ABCB11: variants seen among roughly 807,000 people sequenced by gnomAD.
ABCB11 encodes the protein ATP binding cassette subfamily B member 11.
ABCB11 carries 95 observed loss-of-function variants against 148.0 expected under a neutral mutation model. The observed-to-expected ratio is 0.64, with a 90% CI of 0.54 to 0.76. The LOEUF (loss-of-function observed/expected upper bound fraction) is 0.76. Ranked by LOEUF, ABCB11 falls within the 30% of genes least tolerant of loss-of-function variation. ABCB11 has a pLI of 0.00. For synonymous variants in ABCB11, 591 were observed against 555.4 expected, an observed-to-expected ratio of 1.06 and a Z score of -0.90; for missense variants, 1,523 against 1,617.8, an observed-to-expected ratio of 0.94 and a Z score of 1.01.
intron 14 of ABCB11, among the ~76,000 whole-genome samples, chr2:168,971,117 CT>C (rs1395240688): frequency 1.3e-5 from 2 of 151,840 alleles, no homozygotes; most frequent in Non-Finnish European, 2.9e-5. Context: ...TTACCATTTA[CT>C]TGTTGTATAA....
At chr2:168,916,526 C>G (rs1009552760), downstream of ABCB11, among the ~76,000 whole-genome samples, 1 of 152,148 alleles carries the variant, frequency 6.6e-6, no homozygotes, top group Admixed American at 6.5e-5. Flanking sequence ...ATAATGCTGG[C>G]CAGTGCTAAT....
chr2:168,999,889 T>A (rs76135288), intron 5 of ABCB11, among the ~76,000 whole-genome samples: 2 of 152,152 alleles, frequency 1.3e-5, no homozygotes, highest in Admixed American at 1.3e-4. Flanking sequence ...AGAATTTTTT[T>A]AATTACTAAA....
Position 168,979,999 on chromosome 2 carries a change from A to T in ABCB11, c.1084-20T>A. ...GAAAATCTGAAATGAAAAGAGAGAG[A>T]TTTTTCATGTGTTTTTGTTAATGTG... On this transcript the variant is annotated intron_variant, in intron 10 of 27. Transcript: ENST00000650372. 1 of 1,460,448 alleles carries T rather than the reference A, an allele frequency of 6.8e-7. No individual in the cohort carries two copies. The highest frequency in any genetic ancestry group is 1.1e-5 in the South Asian group (1 of 87,656). The allele number at this position is 1,460,448 out of a possible 1,614,324, so 90.5% of individuals were successfully genotyped here.
intron 4 of ABCB11, 67 bp downstream of exon 4, chr2:169,014,236 C>CTG: frequency 6.4e-6 from 7 of 1,087,908 alleles, no homozygotes; most frequent in South Asian, 1.3e-5. Flanking sequence ...AGATTTAACA[C>CTG]TCCCCTCATG....
chr2:169,016,652 G>A, intron 3 of ABCB11, 126 bp downstream of exon 3: 2 of 767,276 alleles, frequency 2.6e-6, no homozygotes, highest in Admixed American at 2.7e-5. Flanking sequence ...GAAAAAGAAT[G>A]GATTGTATAT....
At chr2:168,960,847 C>A (rs1278537393) in intron 18 of ABCB11, among the ~76,000 whole-genome samples, 5 of 151,558 alleles carry the variant, frequency 3.3e-5, no homozygotes, top group African/African-American at 1.2e-4. Flanking sequence ...TCTGATTTTG[C>A]AAAATTAAAC....
At chr2:168,964,936 G>A (rs1293775638) in intron 17 of ABCB11, among the ~76,000 whole-genome samples, 1 of 151,850 alleles carries the variant, frequency 6.6e-6, no homozygotes, top group Non-Finnish European at 1.5e-5. Flanking sequence ...AATGCCAGGT[G>A]ATGTTGGGGA....
At chr2:169,030,112 G>A (rs1414345320) in intron 1 of ABCB11, among the ~76,000 whole-genome samples, 3 of 152,178 alleles carry the variant, frequency 2.0e-5, no homozygotes, top group African/African-American at 7.2e-5. Flanking sequence ...GGCATTTTAT[G>A]GCAATTGTAG....
intron 5 of ABCB11, among the ~76,000 whole-genome samples, chr2:168,997,399 G>GAAGAAAAATAGCA (rs1694751049): frequency 6.6e-6 from 1 of 152,012 alleles, no homozygotes; most frequent in Admixed American, 6.6e-5. Flanking sequence ...GAAATAGCAA[G>GAAGAAAAATAGCA]AAGAAAAATA....
chr2:168,961,976 A>G lies in ABCB11; in HGVS notation c.2178+2230T>C, dbSNP rs139041924. 5.9e-5 allele frequency among the ~76,000 whole-genome samples: 9 copies of G among 151,868 alleles called. No homozygotes were observed. The South Asian group carries it at 1.0e-3, about 17-fold the overall frequency. ...GCTTGTGGAATTTAGTTAAGTATTA[A>G]AATACTTTAAAATACCAAAACAGAG... On this transcript the variant is annotated intron_variant, in intron 18 of 27. Coordinates refer to ENST00000650372, the MANE Select transcript of ABCB11 (RefSeq NM_003742.4).
At chr2:168,943,043 A>G (rs559904354) in intron 21 of ABCB11, among the ~76,000 whole-genome samples, 138 of 152,090 alleles carry the variant, frequency 9.1e-4, no homozygotes, top group African/African-American at 3.2e-3. Flanking sequence ...AAAAAACAAC[A>G]AAAGTATTAG....
At chr2:169,002,935 C>T (rs1694917696) in intron 5 of ABCB11, among the ~76,000 whole-genome samples, 1 of 151,792 alleles carries the variant, frequency 6.6e-6, no homozygotes, top group Non-Finnish European at 1.5e-5. Context: ...TTATAATGTA[C>T]ATTTTATTAT....
At chr2:168,992,023 T>C (rs1052247725) in intron 8 of ABCB11, among the ~76,000 whole-genome samples, 7 of 151,312 alleles carry the variant, frequency 4.6e-5, no homozygotes, top group African/African-American at 1.7e-4. Context: ...AATTTTTTTT[T>C]TTTTTTTTGT....
chr2:168,972,187 G>C lies in ABCB11; in HGVS notation c.1435-137C>G, dbSNP rs376625198. The C allele has an allele frequency of 4.9e-5, 36 of 732,588 alleles. 1 individual carries two copies. The highest frequency in any genetic ancestry group is 1.5e-4 in the South Asian group (8 of 53,370). The allele number at this position is 732,588 out of a possible 1,614,324, so 45.4% of individuals were successfully genotyped here. ...TAATGGAAACAATTCCTCTTGAAAT[G>C]TGGTTCTTTATATAAGGATGATAAC... On this transcript the variant is annotated intron_variant, in intron 13 of 27. Transcript: ENST00000650372.
chr2:169,024,256 G>A (rs943949362), intron 1 of ABCB11, among the ~76,000 whole-genome samples: 2 of 152,028 alleles, frequency 1.3e-5, no homozygotes, highest in Non-Finnish European at 2.9e-5. Flanking sequence ...GCCACAAAAG[G>A]GTTAATGTTA....
chr2:168,920,898 C>A lies in ABCB11; in HGVS notation c.*2724G>T, dbSNP rs1023590037. ...CAAGCCCTCTTTAGACAATCTTTTC[C>A]CTGTCATCAATAACTTTCAAGTATC... On this transcript the variant is annotated 3_prime_UTR_variant, in exon 28 of 28. Coordinates refer to ENST00000650372, the MANE Select transcript of ABCB11 (RefSeq NM_003742.4). 4.6e-5 allele frequency among the ~76,000 whole-genome samples: 7 copies of A among 152,122 alleles called. No homozygotes were observed. Among genetic ancestry groups the A allele is most frequent in the Non-Finnish European group, 1.0e-4 (7 of 68,026 alleles).
chr2:168,953,856 A>G (rs932127789), intron 19 of ABCB11, among the ~76,000 whole-genome samples: 10 of 151,574 alleles, frequency 6.6e-5, no homozygotes, highest in African/African-American at 2.2e-4. Context: ...AGAAGCTCAA[A>G]AGAATGTAAC....
At chr2:169,016,978 C>CCA (rs1207470434) in intron 2 of ABCB11, among the ~76,000 whole-genome samples, 179 bp from the exon 3 acceptor site, 2 of 103,118 alleles carry the variant, frequency 1.9e-5, no homozygotes, top group Non-Finnish European at 2.0e-5. Flanking sequence ...CTCTATCTTT[C>CCA]TACACACACA....
intron 21 of ABCB11, among the ~76,000 whole-genome samples, chr2:168,942,846 A>T (rs1480053181): frequency 3.9e-5 from 6 of 151,972 alleles, no homozygotes; most frequent in Admixed American, 1.3e-4. Context: ...CTCCAAAGTT[A>T]GTTCTAAGTA....
Sources: allele counts gnomAD v4.1 joint callset (sites outside exome capture counted in the v4.1 genomes callset), GRCh38; gene constraint gnomAD v4.1.1; transcripts MANE v1.5; gene names NCBI Gene and HGNC (gene_info 2026-07-23, HGNC 2026-07-21).